INPP4B: variants seen among roughly 807,000 people sequenced by gnomAD.
The protein encoded by INPP4B is inositol polyphosphate-4-phosphatase type II B.
In INPP4B, 55 loss-of-function variants were observed where a neutral mutation model predicts 122.5. The observed-to-expected ratio is 0.45, with a 90% CI of 0.36 to 0.56. INPP4B has a LOEUF of 0.56. INPP4B is among the 20% of genes least tolerant of loss of function. The pLI is 0.00. For synonymous variants in INPP4B, 403 were observed against 388.7 expected (o/e 1.04, Z -0.43); for missense variants, 1,000 against 1,097.7 (o/e 0.91, Z 1.26).
At chr4:142,826,428 T>G (rs1191916234) in intron 1 of INPP4B, among the ~76,000 whole-genome samples, 1 of 152,120 alleles carries the variant, frequency 6.6e-6, no homozygotes, top group Admixed American at 6.6e-5. Flanking sequence ...TCCTCAAATC[T>G]GAGTCCCAGT....
At chr4:142,137,232 A>G (rs1804918364) in intron 18 of INPP4B, among the ~76,000 whole-genome samples, 1 of 151,068 alleles carries the variant, frequency 6.6e-6, no homozygotes, top group Non-Finnish European at 1.5e-5. Flanking sequence ...ATAACACCGC[A>G]TATCTACAAC....
chr4:142,250,283 C>T (rs371076869), intron 11 of INPP4B, among the ~76,000 whole-genome samples: 5 of 152,174 alleles, frequency 3.3e-5, no homozygotes, highest in African/African-American at 1.2e-4. Flanking sequence ...CTTAGTTTTA[C>T]AACAGATAAG....
At chr4:142,797,903 A>G (rs990746005) in intron 1 of INPP4B, among the ~76,000 whole-genome samples, 2 of 152,008 alleles carry the variant, frequency 1.3e-5, no homozygotes, top group Non-Finnish European at 2.9e-5. Context: ...CATCAAAACA[A>G]GAATGGAAAT....
intron 15 of INPP4B, among the ~76,000 whole-genome samples, chr4:142,189,479 A>G (rs1388700502): frequency 6.6e-6 from 1 of 152,174 alleles, no homozygotes. Context: ...AACCTAATAC[A>G]TTACTGTGGC....
chr4:142,389,119 AG>A (rs1169857232), intron 7 of INPP4B, among the ~76,000 whole-genome samples: 1 of 152,058 alleles, frequency 6.6e-6, no homozygotes, highest in African/African-American at 2.4e-5. Context: ...GCACAGTGGC[AG>A]GTGCCTATAA....
chr4:142,208,395 T>G (rs1224349289), intron 14 of INPP4B, 30 bp downstream of exon 14: 2 of 1,173,968 alleles, frequency 1.7e-6, no homozygotes, highest in Non-Finnish European at 1.2e-6. Context: ...TAACATAATT[T>G]GCTATTTTTA....
chr4:142,572,356 T>C (rs1733014634), intron 2 of INPP4B, among the ~76,000 whole-genome samples: 1 of 152,116 alleles, frequency 6.6e-6, no homozygotes, highest in Non-Finnish European at 1.5e-5. Context: ...TCTACATTCC[T>C]GAATGCTTCT....
intron 5 of INPP4B, among the ~76,000 whole-genome samples, chr4:142,424,872 G>A (rs1361372093): frequency 2.0e-5 from 3 of 151,898 alleles, no homozygotes; most frequent in Admixed American, 6.6e-5. Flanking sequence ...TAATTGTGAT[G>A]TGTTTCCACA....
chr4:142,160,456 T>C lies in INPP4B; in HGVS notation c.1465A>G (p.Lys489Glu). ...GGACTGCTCTCCTCTGTGCTGCTCT[T>C]AGGAGAGGGTGGCTTCTTAAGAATG... ...GGILKKPPSP[K>E]SSTEESSPQD... is the part of the protein sequence containing the mutation. Residue 489 changes from lysine (K) to glutamate (E), a missense_variant, in exon 17 of 26, where the codon AAG becomes GAG. Coordinates refer to ENST00000262992, the MANE Select transcript of INPP4B (RefSeq NM_001101669.3). 6.2e-7 allele frequency: 1 copy of C among 1,612,560 alleles called. No individual in the cohort carries two copies. Among genetic ancestry groups the C allele is most frequent in the South Asian group, 1.1e-5 (1 of 90,990 alleles).
intron 1 of INPP4B, among the ~76,000 whole-genome samples, chr4:142,782,692 A>G (rs1195250774): frequency 3.3e-5 from 5 of 151,966 alleles, no homozygotes; most frequent in Non-Finnish European, 5.9e-5. Flanking sequence ...GTGTGAGATG[A>G]TATCTCATTG....
intron 25 of INPP4B, among the ~76,000 whole-genome samples, chr4:142,060,154 T>C (rs957339905): frequency 3.9e-5 from 6 of 152,178 alleles, no homozygotes; most frequent in African/African-American, 9.6e-5. Context: ...ATTTCTACTT[T>C]AAAAATTTAT....
At chr4:142,388,026 T>C (rs1717377898) in intron 7 of INPP4B, among the ~76,000 whole-genome samples, 1 of 152,240 alleles carries the variant, frequency 6.6e-6, no homozygotes, top group Non-Finnish European at 1.5e-5. Flanking sequence ...TATTATTTGC[T>C]GATTCTCTTC....
At chr4:142,557,625 G>T (rs954032404) in intron 2 of INPP4B, among the ~76,000 whole-genome samples, 1 of 152,174 alleles carries the variant, frequency 6.6e-6, no homozygotes, top group African/African-American at 2.4e-5. Flanking sequence ...ACCTGTTTAA[G>T]ATACAGCCTT....
At chr4:142,671,293 A>G (rs1756953491) in intron 2 of INPP4B, among the ~76,000 whole-genome samples, 1 of 152,146 alleles carries the variant, frequency 6.6e-6, no homozygotes, top group South Asian at 2.1e-4. Flanking sequence ...AAAGCCCTGA[A>G]TGGATTACAG....
At chr4:142,145,494 C>G (rs1379078774) in intron 18 of INPP4B, among the ~76,000 whole-genome samples, 1 of 152,008 alleles carries the variant, frequency 6.6e-6, no homozygotes, top group Non-Finnish European at 1.5e-5. Context: ...CCCTATGTTT[C>G]TAAGAGTTAA....
chr4:142,058,953 C>T (rs1169813254), intron 25 of INPP4B, among the ~76,000 whole-genome samples: 1 of 152,050 alleles, frequency 6.6e-6, no homozygotes, highest in African/African-American at 2.4e-5. Context: ...TGCCTGCTGC[C>T]ATCTGATAAA....
intron 25 of INPP4B, among the ~76,000 whole-genome samples, chr4:142,076,820 A>T (rs1771008796): frequency 6.6e-6 from 1 of 152,110 alleles, no homozygotes. Context: ...TAATATTTGA[A>T]ATAGGATATA....
At chr4:142,281,554 T>C (rs1207906345) in intron 9 of INPP4B, among the ~76,000 whole-genome samples, 1 of 152,024 alleles carries the variant, frequency 6.6e-6, no homozygotes, top group Non-Finnish European at 1.5e-5. Flanking sequence ...AGAATTTGTA[T>C]GCTTTTGGGT....
chr4:142,731,939 A>G (rs1177653896), intron 1 of INPP4B, among the ~76,000 whole-genome samples: 2 of 152,148 alleles, frequency 1.3e-5, no homozygotes, highest in Non-Finnish European at 2.9e-5. Context: ...CATGAATAGG[A>G]GACAGGGGAG....
Sources: allele counts gnomAD v4.1 joint callset (sites outside exome capture counted in the v4.1 genomes callset), GRCh38; gene constraint gnomAD v4.1.1; transcripts MANE v1.5; gene names NCBI Gene and HGNC (gene_info 2026-07-23, HGNC 2026-07-21).